Variants in FRMD4A observed in about 807,000 individuals in gnomAD.
FRMD4A encodes FERM domain-containing protein 4A.
FRMD4A carries 29 observed loss-of-function variants against 129.1 expected under a neutral mutation model. The observed-to-expected ratio is 0.22, with a 90% CI of 0.17 to 0.31. The LOEUF is 0.31. FRMD4A is among the 10% of genes least tolerant of loss of function. FRMD4A has a pLI of 1.00. For synonymous variants in FRMD4A, 634 were observed against 571.6 expected, an observed-to-expected ratio of 1.11 and a Z score of -1.56; for missense variants, 1,272 against 1,375.8, an observed-to-expected ratio of 0.92 and a Z score of 1.19.
rs1445622066 is a variant in FRMD4A at position 13,657,536 on chromosome 10, AC to A, written c.2067-15del. ...ATGTCCACCGACCTGCCGGGAGACG[AC>A]CCGGGTTGGTCTGGGGGTGGGGAGT... On this transcript the variant is annotated splice_polypyrimidine_tract_variant and intron_variant, in intron 21 of 24. Transcript: ENST00000357447. The A allele has an allele frequency of 2.9e-6, 4 of 1,375,480 alleles. No homozygotes were observed. Among genetic ancestry groups the A allele is most frequent in the African/African-American group, 3.1e-5 (2 of 65,422 alleles). 85.2% of individuals were successfully genotyped at this position (1,375,480 alleles called of 1,614,324 possible).
In FRMD4A at chr10:14,062,190, C is replaced by G. The variant is rs185263032; in HGVS notation, c.46-203278G>C. On this transcript the variant is annotated intron_variant, in intron 2 of 24. Coordinates refer to ENST00000357447, the MANE Select transcript of FRMD4A (RefSeq NM_018027.5). ...GTTAAATACGTGGTTAAGTATTTCA[C>G]TGTTACAGAGCCAATAAGATGTGAT... is the stretch of plus-strand genomic sequence containing the variant. 1.9e-3 allele frequency among the ~76,000 whole-genome samples: 286 copies of G among 152,300 alleles called. 2 individuals are homozygous for G. Among genetic ancestry groups the G allele is most frequent in the African/African-American group, 6.6e-3 (273 of 41,544 alleles).
At chr10:14,049,542 A>T (rs1474241205) in intron 2 of FRMD4A, among the ~76,000 whole-genome samples, 2 of 152,162 alleles carry the variant, frequency 1.3e-5, no homozygotes, top group African/African-American at 4.8e-5. Context: ...TCGTAAAGTA[A>T]ATATTTTTTT....
At chr10:14,143,252 G>A (rs11258897) in intron 2 of FRMD4A, among the ~76,000 whole-genome samples, 13,400 of 152,176 alleles carry the variant, frequency 0.088, 964 homozygotes, top group African/African-American at 0.18. Flanking sequence ...ACAGATGAAC[G>A]AATAAACAAA....
intron 2 of FRMD4A, among the ~76,000 whole-genome samples, chr10:14,199,620 C>T (rs539843054): frequency 6.6e-6 from 1 of 152,142 alleles, no homozygotes; most frequent in Non-Finnish European, 1.5e-5. Flanking sequence ...AAACTCCCGA[C>T]CTCAGGTGAT....
chr10:13,825,264 C>T (rs1172614566), intron 3 of FRMD4A, among the ~76,000 whole-genome samples: 2 of 152,168 alleles, frequency 1.3e-5, no homozygotes, highest in African/African-American at 2.4e-5. Flanking sequence ...TGCTGCCATC[C>T]TGAGACAGTT....
intron 2 of FRMD4A, among the ~76,000 whole-genome samples, chr10:14,327,999 C>A (rs1167219392): frequency 6.6e-6 from 1 of 152,006 alleles, no homozygotes; most frequent in Admixed American, 6.6e-5. Flanking sequence ...ATGCATCATG[C>A]AAGATGTCAG....
chr10:14,287,440 T>C (rs1348647049), intron 2 of FRMD4A, among the ~76,000 whole-genome samples: 1 of 152,112 alleles, frequency 6.6e-6, no homozygotes, highest in African/African-American at 2.4e-5. Context: ...TTGAATGAAG[T>C]GATTAGGATA....
intron 2 of FRMD4A, among the ~76,000 whole-genome samples, chr10:14,128,077 TTTCTTTCTTTC>T (rs1308656738): frequency 8.7e-6 from 1 of 114,414 alleles, no homozygotes; most frequent in Non-Finnish European, 1.8e-5. Context: ...TCTTTCTTTC[TTTCTTTCTTTC>T]TTTCTTTCTT....
At chr10:14,135,715 A>T (rs1166034593) in intron 2 of FRMD4A, among the ~76,000 whole-genome samples, 1 of 152,226 alleles carries the variant, frequency 6.6e-6, no homozygotes, top group Non-Finnish European at 1.5e-5. Context: ...GGAACACCAG[A>T]TGATACTTTC....
At chr10:14,208,740 G>T (rs1372279552) in intron 2 of FRMD4A, among the ~76,000 whole-genome samples, 4 of 152,152 alleles carry the variant, frequency 2.6e-5, no homozygotes, top group Non-Finnish European at 5.9e-5. Flanking sequence ...CTGGAGCAGG[G>T]CTAAGAAAGG....
intron 12 of FRMD4A, among the ~76,000 whole-genome samples, chr10:13,730,284 G>C (rs1012757424): frequency 6.6e-6 from 1 of 152,152 alleles, no homozygotes; most frequent in African/African-American, 2.4e-5. Context: ...TCTGCCCTGT[G>C]GGATCCCGAT....
At chr10:14,033,594 G>T (rs1833356411) in intron 2 of FRMD4A, among the ~76,000 whole-genome samples, 1 of 152,106 alleles carries the variant, frequency 6.6e-6, no homozygotes, top group South Asian at 2.1e-4. Context: ...AGACCAGCCT[G>T]GCCAACAAGG....
intron 2 of FRMD4A, among the ~76,000 whole-genome samples, chr10:13,906,344 A>G (rs1426962535): frequency 6.6e-6 from 1 of 152,192 alleles, no homozygotes; most frequent in Non-Finnish European, 1.5e-5. Flanking sequence ...TCAGCAGTAC[A>G]GGCTATGGTA....
chr10:14,110,045 C>T (rs1337478179), intron 2 of FRMD4A, among the ~76,000 whole-genome samples: 2 of 137,622 alleles, frequency 1.5e-5, no homozygotes, highest in Non-Finnish European at 3.1e-5. Flanking sequence ...GGGAGGATCA[C>T]TTGAGCTCAG....
chr10:13,795,304 TC>T (rs1305352025), intron 5 of FRMD4A, among the ~76,000 whole-genome samples: 2 of 152,160 alleles, frequency 1.3e-5, no homozygotes, highest in Admixed American at 6.5e-5. Context: ...ATTGAAATCA[TC>T]CCCATCAGTA....
intron 16 of FRMD4A, among the ~76,000 whole-genome samples, chr10:13,673,934 T>C (rs570481546): frequency 2.1e-3 from 313 of 151,864 alleles, no homozygotes; most frequent in African/African-American, 6.9e-3. Flanking sequence ...CACCACCACC[T>C]CTGGCTATTT....
intron 2 of FRMD4A, among the ~76,000 whole-genome samples, chr10:13,999,331 G>A (rs2095633706): frequency 6.6e-6 from 1 of 152,134 alleles, no homozygotes; most frequent in Non-Finnish European, 1.5e-5. Flanking sequence ...AACACTGTCT[G>A]GCATGTAGTC....
chr10:13,834,338 A>G (rs2093839794), intron 3 of FRMD4A, among the ~76,000 whole-genome samples: 1 of 152,080 alleles, frequency 6.6e-6, no homozygotes, highest in African/African-American at 2.4e-5. Flanking sequence ...AAACCAAAAA[A>G]ACAAGCAGCC....
intron 3 of FRMD4A, among the ~76,000 whole-genome samples, chr10:13,825,418 C>T (rs2093687668): frequency 6.6e-6 from 1 of 152,184 alleles, no homozygotes; most frequent in Admixed American, 6.5e-5. Flanking sequence ...CGAGCATTAC[C>T]ACCTAAGCAG....
Sources: allele counts gnomAD v4.1 joint callset (sites outside exome capture counted in the v4.1 genomes callset), GRCh38; gene constraint gnomAD v4.1.1; transcripts MANE v1.5; gene names NCBI Gene and HGNC (gene_info 2026-07-23, HGNC 2026-07-21).